The following ECPAS variants were observed in gnomAD, a reference collection of about 807,000 sequenced individuals.
ECPAS encodes proteasome adapter and scaffold protein ECM29.
In ECPAS, 70 loss-of-function variants were observed where a neutral mutation model predicts 255.1. That is an observed-to-expected ratio of 0.27 (90% CI 0.23 to 0.33). ECPAS has a LOEUF of 0.33. Among genes scored for constraint, ECPAS ranks in the 10% least tolerant of loss-of-function variants. The pLI is 1.00. For synonymous variants in ECPAS, 784 were observed against 775.0 expected, an observed-to-expected ratio of 1.01 and a Z score of -0.19; for missense variants, 1,817 against 2,206.4, an observed-to-expected ratio of 0.82 and a Z score of 3.54.
At chr9:111,452,755 C>G (rs923230046) in intron 2 of ECPAS, among the ~76,000 whole-genome samples, 1 of 152,122 alleles carries the variant, frequency 6.6e-6, no homozygotes, top group South Asian at 2.1e-4. Flanking sequence ...ACAGATTGAT[C>G]GATCAATCCT....
intron 24 of ECPAS, 21 bp downstream of exon 24, chr9:111,408,550 A>G (rs1038048737): frequency 1.1e-5 from 15 of 1,397,220 alleles, no homozygotes; most frequent in Non-Finnish European, 1.2e-5. Context: ...ATAACTAACA[A>G]TCAGGTAGCA....
At chr9:111,378,759 G>A in intron 35 of ECPAS, 29 bp from the exon 36 acceptor site, 1 of 1,575,606 alleles carries the variant, frequency 6.3e-7, no homozygotes, top group Non-Finnish European at 8.7e-7. Flanking sequence ...CAACTCCTGA[G>A]TCCTTTTAAC....
intron 28 of ECPAS, 86 bp from the exon 29 acceptor site, chr9:111,391,910 A>T (rs2098160728): frequency 1.1e-6 from 1 of 928,222 alleles, no homozygotes; most frequent in Non-Finnish European, 1.7e-6. Context: ...CAAAGTGATA[A>T]AACTTCCTAT....
chr9:111,445,695 T>C (rs1185078811), intron 3 of ECPAS, among the ~76,000 whole-genome samples: 2 of 152,192 alleles, frequency 1.3e-5, no homozygotes, highest in South Asian at 2.1e-4. Flanking sequence ...GTTTTTATTA[T>C]ACTTTCAGTT....
At chr9:111,430,681 T>C (rs2098228506) in intron 8 of ECPAS, 53 bp from the exon 9 acceptor site, 24 of 1,216,710 alleles carry the variant, frequency 2.0e-5, no homozygotes, top group Non-Finnish European at 2.8e-5. Flanking sequence ...CCTCCTTCAG[T>C]GATTTCAAAA....
chr9:111,479,461 C>T (rs1054551358), intron 1 of ECPAS, among the ~76,000 whole-genome samples: 5 of 151,514 alleles, frequency 3.3e-5, no homozygotes, highest in Admixed American at 6.6e-5. Flanking sequence ...GGCATGGTGG[C>T]GCACACCTGT....
chr9:111,380,153 T>C (rs377561854), intron 35 of ECPAS, among the ~76,000 whole-genome samples: 1 of 152,232 alleles, frequency 6.6e-6, no homozygotes, highest in East Asian at 1.9e-4. Flanking sequence ...GACTTGAAAG[T>C]TGAAATTACA....
At chr9:111,366,152 C>T (rs1277414053) in intron 48 of ECPAS, 87 bp downstream of exon 48, 7 of 865,266 alleles carry the variant, frequency 8.1e-6, no homozygotes, top group African/African-American at 1.7e-5. Flanking sequence ...AAATTTAGTT[C>T]CTAAGACAAA....
intron 9 of ECPAS, among the ~76,000 whole-genome samples, chr9:111,429,038 A>T (rs141726179): frequency 1.3e-5 from 2 of 152,234 alleles, no homozygotes; most frequent in Non-Finnish European, 2.9e-5. Context: ...TGTGGTGAAT[A>T]CAAGTTTCTC....
chr9:111,430,560 A>G lies in ECPAS; in HGVS notation c.917T>C (p.Leu306Pro). 6.3e-7 allele frequency: 1 copy of G among 1,591,788 alleles called. No individual in the cohort carries two copies. Among genetic ancestry groups the G allele is most frequent in the Non-Finnish European group, 8.6e-7 (1 of 1,164,698 alleles). Residue 306 changes from leucine to proline, a missense_variant, in exon 9 of 50, where the codon CTG becomes CCG. Leu to Pro is a moderately conservative substitution (Grantham distance 98). Transcript: ENST00000684092. ...MYKVYLGDIP[L>P]KTKEGAVLKP... is the part of the protein sequence containing the mutation. ...AAAACAACCTACCTCTTTTGTCTTC[A>G]GTGGTATATCTCCAAGGTACACCTT...
chr9:111,472,335 C>G (rs1589239253), intron 2 of ECPAS, among the ~76,000 whole-genome samples: 1 of 152,032 alleles, frequency 6.6e-6, no homozygotes, highest in Non-Finnish European at 1.5e-5. Context: ...TTGTGGCACA[C>G]AAAGTTGTTT....
intron 1 of ECPAS, among the ~76,000 whole-genome samples, chr9:111,473,969 T>C (rs113665597): frequency 6.6e-6 from 1 of 151,810 alleles, no homozygotes; most frequent in African/African-American, 2.4e-5. Context: ...CCTGTCTCAA[T>C]AAAAAAGAAA....
chr9:111,389,098 G>A (rs1052089335), intron 31 of ECPAS, among the ~76,000 whole-genome samples: 18 of 152,198 alleles, frequency 1.2e-4, no homozygotes, highest in African/African-American at 4.3e-4. Context: ...TCAGAGACAA[G>A]CCCTGAGAAA....
intron 25 of ECPAS, 41 bp from the exon 26 acceptor site, chr9:111,394,346 C>A: frequency 6.9e-7 from 1 of 1,458,668 alleles, no homozygotes; most frequent in South Asian, 1.5e-5. Context: ...ATTAAAATAA[C>A]TCAACATAGT....
intron 2 of ECPAS, among the ~76,000 whole-genome samples, chr9:111,459,563 C>A (rs2098270795): frequency 6.6e-6 from 1 of 152,052 alleles, no homozygotes; most frequent in South Asian, 2.1e-4. Flanking sequence ...ATGTTAATAA[C>A]CCCATTTACT....
chr9:111,391,101 T>G (rs1463972163), intron 29 of ECPAS, among the ~76,000 whole-genome samples: 2 of 152,164 alleles, frequency 1.3e-5, no homozygotes, highest in East Asian at 3.9e-4. Context: ...AGGCCACCTG[T>G]GCCAGCTCAG....
In ECPAS at chr9:111,411,131, T is replaced by C. The variant is rs773887108; in HGVS notation, c.2226A>G (p.Ile742Met). 3.7e-6 allele frequency: 6 copies of C among 1,613,684 alleles called. No individual in the cohort carries two copies. The highest frequency in any genetic ancestry group is 1.1e-5 in the South Asian group (1 of 91,064). ...CCAATGCAAGCAAGGATCCATGCTG[T>C]ATCTCCGGGCTCTGAATTTAGCAAA... ...KTTKDNHSPEIQHGSLLALGF... is the reference protein window; with the variant it reads ...KTTKDNHSPEMQHGSLLALGF... The change falls in exon 22 of 50, where the codon ATA becomes ATG. Residue 742 changes from isoleucine (I) to methionine (M), a missense_variant. This residue lies in a region of ECPAS where 194 missense variants were observed against 152.8 expected (regional missense o/e 1.27). Transcript: ENST00000684092.
chr9:111,362,674 A>G (rs992391095), intron 49 of ECPAS, among the ~76,000 whole-genome samples: 1 of 152,190 alleles, frequency 6.6e-6, no homozygotes, highest in Non-Finnish European at 1.5e-5. Flanking sequence ...AGAAAATAAG[A>G]AAGTATATCA....
intron 2 of ECPAS, among the ~76,000 whole-genome samples, chr9:111,455,942 G>A (rs889547760): frequency 1.3e-5 from 2 of 152,126 alleles, no homozygotes; most frequent in African/African-American, 4.8e-5. Context: ...TGAATCCTGT[G>A]AGTCCTACTA....
Sources: gnomAD v4.1 joint callset for allele counts (sites outside exome capture counted in the v4.1 genomes callset) on GRCh38, gnomAD v4.1.1 for gene constraint, gnomAD v4.1.1 regional missense constraint, MANE v1.5 for transcripts, NCBI Gene and HGNC (gene_info 2026-07-23, HGNC 2026-07-21) for gene names.